AACS: variants seen among roughly 807,000 people sequenced by gnomAD.
AACS encodes the protein acetoacetyl-CoA synthetase.
Under a neutral mutation model 83.1 loss-of-function variants are expected in AACS, and 69 were observed. The ratio of observed to expected loss-of-function variants is 0.83; its 90% CI spans 0.68 to 1.01. AACS has a LOEUF of 1.01. Among genes scored for constraint, AACS ranks in the 50% least tolerant of loss-of-function variants. The pLI, the probability that AACS is intolerant of heterozygous loss-of-function variation, is 0.00. For missense variants in AACS, 866 were observed against 882.2 expected (o/e 0.98, Z 0.23); for synonymous variants, 333 against 343.4 (o/e 0.97, Z 0.33).
At chr12:125,079,801 A>C (rs1006958937) in intron 3 of AACS, among the ~76,000 whole-genome samples, 12 of 152,150 alleles carry the variant, frequency 7.9e-5, no homozygotes, top group African/African-American at 2.4e-4. Context: ...CACCACCCCT[A>C]GTTCCAGAAC....
chr12:125,132,889 G>A (rs1333351653), intron 14 of AACS, among the ~76,000 whole-genome samples: 1 of 152,230 alleles, frequency 6.6e-6, no homozygotes, highest in Non-Finnish European at 1.5e-5. Context: ...GTCATAAGCT[G>A]TTTGGGTTAG....
intron 3 of AACS, among the ~76,000 whole-genome samples, chr12:125,079,017 C>T (rs1328732506): frequency 6.6e-6 from 1 of 151,960 alleles, no homozygotes; most frequent in African/African-American, 2.4e-5. Flanking sequence ...ACAGGGCTGC[C>T]AGGGAAAGCC....
chr12:125,096,866 G>T (rs1956619570), intron 5 of AACS, among the ~76,000 whole-genome samples: 1 of 152,134 alleles, frequency 6.6e-6, no homozygotes, highest in Non-Finnish European at 1.5e-5. Flanking sequence ...CTTCTGTTTA[G>T]ATGCCTTGTT....
chr12:125,087,897 C>T (rs926964799), intron 4 of AACS, among the ~76,000 whole-genome samples: 5 of 152,228 alleles, frequency 3.3e-5, no homozygotes, highest in Non-Finnish European at 7.3e-5. Flanking sequence ...CCTCCTGTCT[C>T]AGCCCTTGGC....
chr12:125,086,416 G>A lies in AACS; in HGVS notation c.445G>A (p.Gly149Ser). 6.2e-7 allele frequency: 1 copy of A among 1,614,194 alleles called. No individual in the cohort carries two copies. Among genetic ancestry groups the A allele is most frequent in the Non-Finnish European group, 8.5e-7 (1 of 1,180,038 alleles). Residue 149 changes from glycine (G) to serine (S), a missense_variant, in exon 4 of 18, where the codon GGT becomes AGT. Transcript: ENST00000316519. ...GTTTGCAGCAGCAATGAGGAAAATGGGTGTGAAGAAAGGAGATCGGGTTGT... is the reference window on the plus strand; with the variant it reads ...GTTTGCAGCAGCAATGAGGAAAATGAGTGTGAAGAAAGGAGATCGGGTTGT... The part of the protein sequence containing the change: ...ALFAAAMRKM[G>S]VKKGDRVVGY...
At chr12:125,091,735 C>T (rs1192160712) in intron 5 of AACS, among the ~76,000 whole-genome samples, 2 of 152,208 alleles carry the variant, frequency 1.3e-5, no homozygotes, top group Admixed American at 6.5e-5. Flanking sequence ...CACTCCTCGC[C>T]GTGTTCATCG....
At chr12:125,114,455 C>T (rs1288499891) in intron 8 of AACS, 22 bp from the exon 9 acceptor site, 2 of 1,609,152 alleles carry the variant, frequency 1.2e-6, no homozygotes, top group Middle Eastern at 1.7e-4. Context: ...AGAGCACCCG[C>T]TCCCCCGTGT....
intron 17 of AACS, among the ~76,000 whole-genome samples, chr12:125,137,269 G>A (rs1957414881): frequency 6.6e-6 from 1 of 152,208 alleles, no homozygotes; most frequent in African/African-American, 2.4e-5. Context: ...CGCTTCCCAG[G>A]TTCAAGCAGT....
chr12:125,084,127 A>T (rs1956269900), intron 3 of AACS, among the ~76,000 whole-genome samples: 1 of 151,760 alleles, frequency 6.6e-6, no homozygotes, highest in African/African-American at 2.4e-5. Flanking sequence ...CAGGAGTTTG[A>T]GATTAGCCTG....
intron 1 of AACS, among the ~76,000 whole-genome samples, chr12:125,071,631 G>A (rs1329622236): frequency 6.6e-6 from 1 of 152,174 alleles, no homozygotes; most frequent in African/African-American, 2.4e-5. Context: ...TGGTAGAGGC[G>A]GGGAGCGTGG....
chr12:125,114,304 T>C (rs1957011112), intron 8 of AACS, 173 bp from the exon 9 acceptor site: 3 of 523,810 alleles, frequency 5.7e-6, no homozygotes, highest in Admixed American at 7.1e-5. Flanking sequence ...GGGGCATGGC[T>C]CATCACAGGG....
rs371762205 is a variant in AACS at position 125,134,068 on chromosome 12, C to T, written c.1615C>T (p.Arg539Trp). 360 of 1,613,810 alleles carry T rather than the reference C, an allele frequency of 2.2e-4. 2 individuals are homozygous for T. The highest frequency in any genetic ancestry group is 2.8e-4 in the Non-Finnish European group (336 of 1,179,972). Residue 539 changes from arginine to tryptophan, a missense_variant, in exon 15 of 18, where the codon CGG becomes TGG. Arg to Trp is a moderately radical substitution (Grantham distance 101). Coordinates refer to ENST00000316519, the MANE Select transcript of AACS (RefSeq NM_023928.5). Reference sequence around the variant, plus strand: ...GACCGGGGGCATCGTCATGCTTGGCCGGAGGTAAGGGCTGCAGAGTCGGCT... The same window carrying T: ...GACCGGGGGCATCGTCATGCTTGGCTGGAGGTAAGGGCTGCAGAGTCGGCT... ...PKTGGIVMLG[R>W]SDGTLNPNGV...
chr12:125,122,140 G>C (rs1173325381), intron 10 of AACS: 8 of 152,388 alleles, frequency 5.2e-5, no homozygotes, highest in Non-Finnish European at 7.3e-5. Flanking sequence ...GAGGAGATGG[G>C]CCTAAGATCC....
At chr12:125,141,014 C>T (rs1173889075) in intron 17 of AACS, 1 of 152,252 alleles carries the variant, frequency 6.6e-6, no homozygotes, top group Non-Finnish European at 1.5e-5. Context: ...ACTTCTGAAG[C>T]TGTGTGTGCA....
rs1354201247 is a variant in AACS, at chr12:125,094,995, G to A, written c.570+3472G>A. 2.2e-4 allele frequency among the ~76,000 whole-genome samples: 10 copies of A among 46,108 alleles called. No individual in the cohort carries two copies. Among genetic ancestry groups the A allele is most frequent in the African/African-American group, 5.0e-4 (9 of 17,976 alleles). The allele number at this position is 46,108 out of a possible 152,430, so 30.2% of individuals were successfully genotyped here. On this transcript the variant is annotated intron_variant, in intron 5 of 17. Coordinates refer to ENST00000316519, the MANE Select transcript of AACS (RefSeq NM_023928.5). This position sits in a 1 kb window ranked among gnomAD's most constrained non-coding sequence, Gnocchi z 4.1. ...CAGGTGGCCGTGTGTGTGTGTGTGT[G>A]TGTGTGTGTGTGTGTGTGTGTGTGT... is the stretch of plus-strand genomic sequence containing the variant.
intron 16 of AACS, among the ~76,000 whole-genome samples, chr12:125,135,269 A>G (rs1957385877): frequency 6.6e-6 from 1 of 151,046 alleles, no homozygotes; most frequent in South Asian, 2.1e-4. Flanking sequence ...TAGTTTTTGT[A>G]TTTTTAGTAG....
rs1176531555 is a variant in AACS at position 125,086,424 on chromosome 12, G to A, written c.453G>A (p.Lys151=). Residue 151 remains lysine, a synonymous_variant, in exon 4 of 18, where the codon AAG becomes AAA. Transcript: ENST00000316519. ...CAGCAATGAGGAAAATGGGTGTGAA[G>A]AAAGGAGATCGGGTTGTTGGTAAGT... The part of the protein sequence containing the change: ...FAAAMRKMGV[K]KGDRVVGYLP... 6.2e-7 allele frequency: 1 copy of A among 1,614,226 alleles called. No individual in the cohort carries two copies. Among genetic ancestry groups the A allele is most frequent in the Non-Finnish European group, 8.5e-7 (1 of 1,180,048 alleles).
chr12:125,098,311 C>CCCA (rs1426940467), intron 5 of AACS, among the ~76,000 whole-genome samples: 1 of 151,930 alleles, frequency 6.6e-6, no homozygotes, highest in East Asian at 1.9e-4. Context: ...ACAGCCTGAT[C>CCCA]CTGAGCCCGG....
rs200329266 is a variant in AACS, at chr12:125,136,738, C to A, written c.1755C>A (p.Leu585=). The change falls in exon 17 of 18, where the codon CTC becomes CTA. Residue 585 remains leucine (L), a synonymous_variant. Transcript: ENST00000316519. ...AGTACAGGGAGGAGAGGGTGATCCT[C>A]TTCCTGAAGATGGCCTCCGGGCACG... ...YNKYREERVI[L]FLKMASGHAF... is the part of the protein sequence containing the mutation. 13 of 1,614,180 alleles carry A rather than the reference C, an allele frequency of 8.1e-6. No individual in the cohort carries two copies. Among genetic ancestry groups the A allele is most frequent in the Non-Finnish European group, 1.0e-5 (12 of 1,180,038 alleles).
Sources: gnomAD v4.1 joint callset for allele counts (sites outside exome capture counted in the v4.1 genomes callset) on GRCh38, gnomAD v4.1.1 for gene constraint, Gnocchi (gnomAD v3.1) non-coding constraint, MANE v1.5 for transcripts, NCBI Gene and HGNC (gene_info 2026-07-23, HGNC 2026-07-21) for gene names.